PDZRN4: variants seen among roughly 807,000 people sequenced by gnomAD.
PDZRN4 encodes the protein PDZ domain-containing RING finger protein 4.
PDZRN4 carries 70 observed loss-of-function variants against 99.0 expected under a neutral mutation model. The observed-to-expected ratio is 0.71, with a 90% CI of 0.58 to 0.86. The LOEUF is 0.86. Among genes scored for constraint, PDZRN4 ranks in the 40% least tolerant of loss-of-function variants. PDZRN4 has a pLI of 0.00. For missense variants in PDZRN4, 1,474 were observed against 1,331.2 expected, an observed-to-expected ratio of 1.11 and a Z score of -1.67; for synonymous variants, 551 against 501.6, an observed-to-expected ratio of 1.10 and a Z score of -1.32.
At chr12:41,392,158 T>C (rs1952214933) in intron 3 of PDZRN4, among the ~76,000 whole-genome samples, 1 of 152,148 alleles carries the variant, frequency 6.6e-6, no homozygotes, top group Admixed American at 6.6e-5. Flanking sequence ...TTTGCTGTGA[T>C]AGAAGAATAA....
chr12:41,333,294 C>A (rs1159220424), intron 3 of PDZRN4, among the ~76,000 whole-genome samples: 1 of 152,086 alleles, frequency 6.6e-6, no homozygotes, highest in Non-Finnish European at 1.5e-5. Flanking sequence ...TCCCTGTAAA[C>A]CTTCTTTCTC....
intron 3 of PDZRN4, among the ~76,000 whole-genome samples, chr12:41,251,594 T>C (rs1765030117): frequency 6.6e-6 from 1 of 152,200 alleles, no homozygotes; most frequent in African/African-American, 2.4e-5. Flanking sequence ...AAAAAGTTAG[T>C]TTATTTTGAT....
chr12:41,452,748 A>G lies in PDZRN4; in HGVS notation c.844-53708A>G, dbSNP rs1952785971. Among the ~76,000 whole-genome samples the G allele has an allele frequency of 2.6e-5, 4 of 152,350 alleles. 1 individual carries two copies. The South Asian group carries it at 8.3e-4, about 32-fold the overall frequency. On this transcript the variant is annotated intron_variant, in intron 3 of 9. Transcript: ENST00000402685. ...TCTGTGTAAGTCCAAATGAAGTAAT[A>G]GTATGTAACTAATTGTGAACCTGAA... is the stretch of plus-strand genomic sequence containing the variant.
chr12:41,453,860 C>A, intron 3 of PDZRN4, among the ~76,000 whole-genome samples: 1 of 137,652 alleles, frequency 7.3e-6, no homozygotes, highest in African/African-American at 3.0e-5. Flanking sequence ...AGCAGGTTTA[C>A]GAAACAGAGT....
chr12:41,381,811 T>G (rs1296513496), intron 3 of PDZRN4, among the ~76,000 whole-genome samples: 1 of 152,182 alleles, frequency 6.6e-6, no homozygotes, highest in Non-Finnish European at 1.5e-5. Flanking sequence ...TGCATTGGTA[T>G]GCGTACATTT....
intron 5 of PDZRN4, among the ~76,000 whole-genome samples, chr12:41,523,803 A>C (rs1224480231): frequency 6.6e-6 from 1 of 152,128 alleles, no homozygotes; most frequent in Non-Finnish European, 1.5e-5. Context: ...GATCAAAAGG[A>C]ATAATAATCT....
At chr12:41,522,999 A>G (rs946132474) in intron 5 of PDZRN4, among the ~76,000 whole-genome samples, 5 of 152,106 alleles carry the variant, frequency 3.3e-5, no homozygotes, top group African/African-American at 1.2e-4. Context: ...ATCTAATTGT[A>G]TCACTCTTAT....
chr12:41,557,709 T>C (rs1939193190), intron 7 of PDZRN4, among the ~76,000 whole-genome samples: 1 of 152,078 alleles, frequency 6.6e-6, no homozygotes, highest in Admixed American at 6.6e-5. Flanking sequence ...GTGGACCTTC[T>C]GTTAAGGCTC....
intron 3 of PDZRN4, among the ~76,000 whole-genome samples, chr12:41,295,632 G>A (rs6582304): frequency 0.062 from 9,354 of 152,080 alleles, 830 homozygotes; most frequent in African/African-American, 0.2. Context: ...AAAAAATTAT[G>A]GATGGATTTC....
At chr12:41,499,784 A>T (rs1341684069) in intron 3 of PDZRN4, among the ~76,000 whole-genome samples, 1 of 152,084 alleles carries the variant, frequency 6.6e-6, no homozygotes, top group Non-Finnish European at 1.5e-5. Context: ...TTACCATCAA[A>T]GTGCTCTGTA....
At chr12:41,554,918 A>G (rs1436029269) in intron 6 of PDZRN4, among the ~76,000 whole-genome samples, 1 of 151,772 alleles carries the variant, frequency 6.6e-6, no homozygotes, top group Non-Finnish European at 1.5e-5. Context: ...TTTAATAAGT[A>G]TGGTCTTGGG....
intron 3 of PDZRN4, among the ~76,000 whole-genome samples, chr12:41,487,448 A>G (rs1484396654): frequency 2.6e-5 from 4 of 152,224 alleles, no homozygotes; most frequent in Non-Finnish European, 1.5e-5. Flanking sequence ...TTTGAGTTTT[A>G]ATAACATCAT....
intron 3 of PDZRN4, among the ~76,000 whole-genome samples, chr12:41,457,661 G>T (rs1952827837): frequency 6.6e-6 from 1 of 152,040 alleles, no homozygotes; most frequent in Non-Finnish European, 1.5e-5. Flanking sequence ...TATTTTCCTT[G>T]TACCAATGTC....
chr12:41,412,361 AG>A (rs1264403891), intron 3 of PDZRN4: 5 of 152,232 alleles, frequency 3.3e-5, no homozygotes, highest in African/African-American at 1.2e-4. Context: ...AAGTGATTTC[AG>A]GAAGGCTCCT....
chr12:41,318,847 T>C (rs1195440979), intron 3 of PDZRN4, among the ~76,000 whole-genome samples: 2 of 152,226 alleles, frequency 1.3e-5, no homozygotes, highest in East Asian at 1.9e-4. Flanking sequence ...GATAGATTAT[T>C]ACCTCTCTGA....
chr12:41,551,340 C>G (rs1414515681), intron 5 of PDZRN4, among the ~76,000 whole-genome samples: 2 of 152,074 alleles, frequency 1.3e-5, no homozygotes, highest in Non-Finnish European at 1.5e-5. Flanking sequence ...ACCAAAGTCC[C>G]CACCTCCTTG....
intron 3 of PDZRN4, among the ~76,000 whole-genome samples, chr12:41,466,982 C>T (rs549603505): frequency 4.3e-4 from 65 of 152,356 alleles, no homozygotes; most frequent in African/African-American, 1.5e-3. Context: ...GCTGCTGCTG[C>T]TGCTGACGCA....
chr12:41,477,951 A>C, intron 3 of PDZRN4: 1 of 1,349,806 alleles, frequency 7.4e-7, no homozygotes, highest in Non-Finnish European at 1.0e-6. Context: ...ATTTCATCAT[A>C]TTATTCTCTT....
intron 5 of PDZRN4, among the ~76,000 whole-genome samples, chr12:41,512,198 T>C (rs1353466252): frequency 1.3e-5 from 2 of 152,062 alleles, no homozygotes; most frequent in African/African-American, 4.8e-5. Flanking sequence ...AAATATTTAA[T>C]GAGGACTTAA....
Sources: allele counts gnomAD v4.1 joint callset (sites outside exome capture counted in the v4.1 genomes callset), GRCh38; gene constraint gnomAD v4.1.1; transcripts MANE v1.5; gene names NCBI Gene and HGNC (gene_info 2026-07-23, HGNC 2026-07-21).